RAPGEF5: variants seen among roughly 807,000 people sequenced by gnomAD.
The protein encoded by RAPGEF5 is Rap guanine nucleotide exchange factor 5, also known as M-Ras-regulated GEF.
Under a neutral mutation model 125.2 loss-of-function variants are expected in RAPGEF5, and 65 were observed. That is an observed-to-expected ratio of 0.52 (90% CI 0.43 to 0.64). The LOEUF is 0.64. RAPGEF5 is among the 30% of genes least tolerant of loss of function. The pLI is 0.00. For missense variants in RAPGEF5, 958 were observed against 1,048.1 expected (o/e 0.91, Z 1.19); for synonymous variants, 391 against 385.9 (o/e 1.01, Z -0.16).
Position 22,219,991 on chromosome 7 carries a change from C to A in RAPGEF5, c.871G>T (p.Ala291Ser). The change falls in exon 9 of 26, where the codon GCA becomes TCA. Residue 291 changes from alanine (A) to serine (S), a missense_variant and splice_region_variant. Ala to Ser is a moderately conservative substitution (Grantham distance 99). Coordinates refer to ENST00000665637, the MANE Select transcript of RAPGEF5 (RefSeq NM_012294.5). Reference sequence around the variant, plus strand: ...TCCTGGAGCTTGCACATCACCCCTGCCTTAAGAGTTGGAGAAAAAGCGAAG... The same window carrying A: ...TCCTGGAGCTTGCACATCACCCCTGACTTAAGAGTTGGAGAAAAAGCGAAG... ...TEAESVPDSQ[A>S]GVMCKLQERD... The A allele has an allele frequency of 6.2e-7, 1 of 1,613,282 alleles. No individual in the cohort carries two copies. The highest frequency in any genetic ancestry group is 1.1e-5 in the South Asian group (1 of 90,990).
chr7:22,176,012 C>G (rs1784493408), intron 11 of RAPGEF5, among the ~76,000 whole-genome samples: 1 of 152,000 alleles, frequency 6.6e-6, no homozygotes, highest in Non-Finnish European at 1.5e-5. Context: ...GTACCAGAGA[C>G]TGGGTAATCT....
intron 3 of RAPGEF5, among the ~76,000 whole-genome samples, chr7:22,311,044 G>C (rs1160635168): frequency 1.3e-5 from 2 of 151,956 alleles, no homozygotes; most frequent in African/African-American, 2.4e-5. Flanking sequence ...AATTTTTTTT[G>C]AGACAGGGTC....
chr7:22,349,650 T>A (rs1784292991), intron 1 of RAPGEF5, among the ~76,000 whole-genome samples: 2 of 152,182 alleles, frequency 1.3e-5, no homozygotes, highest in Admixed American at 1.3e-4. Context: ...CTGGAAGCCA[T>A]TACTGAAGAG....
intron 9 of RAPGEF5, among the ~76,000 whole-genome samples, chr7:22,201,924 G>T (rs1329092071): frequency 6.6e-6 from 1 of 152,174 alleles, no homozygotes; most frequent in Non-Finnish European, 1.5e-5. Context: ...TGGCTGGTTT[G>T]GTTTGGTTTT....
At chr7:22,322,949 GCT>G (rs1348291554) in intron 1 of RAPGEF5, among the ~76,000 whole-genome samples, 1 of 152,218 alleles carries the variant, frequency 6.6e-6, no homozygotes, top group Non-Finnish European at 1.5e-5. Context: ...TTGGAGCACT[GCT>G]CAGACATCGC....
At chr7:22,231,415 T>C (rs999576193) in intron 7 of RAPGEF5, among the ~76,000 whole-genome samples, 1 of 152,108 alleles carries the variant, frequency 6.6e-6, no homozygotes, top group African/African-American at 2.4e-5. Flanking sequence ...TCCCAGCATC[T>C]CCCTATCCAA....
chr7:22,210,493 C>T lies in RAPGEF5; in HGVS notation c.996+9373G>A, dbSNP rs529043598. ...ACCCCGACTCGCACCTCTGAGGTCA[C>T]CCAGATATGCTTTATGACTCATTAA... On this transcript the variant is annotated intron_variant, in intron 9 of 25. Coordinates refer to ENST00000665637, the MANE Select transcript of RAPGEF5 (RefSeq NM_012294.5). Among the ~76,000 whole-genome samples, 111 of 152,286 alleles carry T rather than the reference C, an allele frequency of 7.3e-4. 1 individual carries two copies. Among genetic ancestry groups the T allele is most frequent in the African/African-American group, 2.5e-3 (104 of 41,562 alleles).
At chr7:22,126,001 T>C (rs757074960) in intron 24 of RAPGEF5, among the ~76,000 whole-genome samples, 1 of 151,904 alleles carries the variant, frequency 6.6e-6, no homozygotes, top group Non-Finnish European at 1.5e-5. Flanking sequence ...TACAAAAAAA[T>C]TAGCTGGGGG....
At chr7:22,207,935 T>C (rs1282939683) in intron 9 of RAPGEF5, among the ~76,000 whole-genome samples, 3 of 152,190 alleles carry the variant, frequency 2.0e-5, no homozygotes, top group Admixed American at 2.0e-4. Context: ...CTTACAGGAA[T>C]GTGAGAAAAC....
intron 6 of RAPGEF5, among the ~76,000 whole-genome samples, chr7:22,290,744 C>CAA (rs398003971): frequency 4.5e-4 from 39 of 86,130 alleles, no homozygotes; most frequent in Middle Eastern, 6.7e-3. Context: ...GACTCCGTCT[C>CAA]AAAAAAAAAA....
chr7:22,166,976 G>A (rs969990037), intron 12 of RAPGEF5, 94 bp downstream of exon 12: 1 of 965,292 alleles, frequency 1.0e-6, no homozygotes, highest in African/African-American at 1.6e-5. Flanking sequence ...TTCTACTATG[G>A]GGTTGAATAA....
intron 1 of RAPGEF5, among the ~76,000 whole-genome samples, chr7:22,330,096 G>A (rs1210572916): frequency 6.6e-6 from 1 of 152,072 alleles, no homozygotes; most frequent in African/African-American, 2.4e-5. Flanking sequence ...ACCCTATAAA[G>A]GAAAGACAAA....
At chr7:22,299,200 AG>A (rs2128149702) in intron 5 of RAPGEF5, among the ~76,000 whole-genome samples, 1 of 151,994 alleles carries the variant, frequency 6.6e-6, no homozygotes, top group South Asian at 2.1e-4. Flanking sequence ...TCCTAATATA[AG>A]CATTAAAATC....
chr7:22,118,658 A>G lies in RAPGEF5; in HGVS notation c.*3748T>C, dbSNP rs925348290. 2.0e-5 allele frequency: 3 copies of G among 152,598 alleles called. No homozygotes were observed. The highest frequency in any genetic ancestry group is 4.4e-5 in the Non-Finnish European group (3 of 68,036). The allele number at this position is 152,598 out of a possible 1,614,324, so 9.5% of individuals were successfully genotyped here. On this transcript the variant is annotated 3_prime_UTR_variant, in exon 26 of 26. Coordinates refer to ENST00000665637, the MANE Select transcript of RAPGEF5 (RefSeq NM_012294.5). The stretch of plus-strand genomic sequence containing the variant: ...CTGATGGCGGGTTCTCTATCTTCTA[A>G]TTGTTAATGCAAGCTGACAATATCA...
rs749845616 is a variant in RAPGEF5, at chr7:22,136,035, T to C, written c.2416+3A>G. On this transcript the variant is annotated splice_donor_region_variant and intron_variant, in intron 23 of 25. Transcript: ENST00000665637. ...CATGGCATAAAAGATAGAAAATCATTACCTTTAAGCAATAAGGGCATGAAA... is the reference window on the plus strand; with the variant it reads ...CATGGCATAAAAGATAGAAAATCATCACCTTTAAGCAATAAGGGCATGAAA... 6.3e-7 allele frequency: 1 copy of C among 1,583,832 alleles called. No individual in the cohort carries two copies.
At chr7:22,265,339 T>C (rs553493248) in intron 7 of RAPGEF5, among the ~76,000 whole-genome samples, 1 of 152,196 alleles carries the variant, frequency 6.6e-6, no homozygotes, top group East Asian at 1.9e-4. Context: ...CTGCCACATA[T>C]GAGTGAAAAC....
At chr7:22,318,603 C>T (rs573363040) in intron 1 of RAPGEF5, among the ~76,000 whole-genome samples, 25 of 152,184 alleles carry the variant, frequency 1.6e-4, no homozygotes, top group Admixed American at 2.0e-4. Context: ...CTTTCCAACT[C>T]CCAGCAAAGC....
intron 5 of RAPGEF5, 21 bp downstream of exon 5, chr7:22,308,318 C>T (rs1336598366): frequency 6.4e-7 from 1 of 1,566,364 alleles, no homozygotes; most frequent in Admixed American, 1.9e-5. Context: ...AATACAATGG[C>T]ACAAGAGAGC....
intron 5 of RAPGEF5, among the ~76,000 whole-genome samples, chr7:22,301,218 A>T (rs1402866301): frequency 2.0e-5 from 3 of 152,196 alleles, no homozygotes; most frequent in African/African-American, 7.2e-5. Flanking sequence ...TAGCTCCATC[A>T]ATAGATTATT....
Sources: allele counts gnomAD v4.1 joint callset (sites outside exome capture counted in the v4.1 genomes callset), GRCh38; gene constraint gnomAD v4.1.1; transcripts MANE v1.5; gene names NCBI Gene and HGNC (gene_info 2026-07-23, HGNC 2026-07-21).